The following TJP1 variants were observed in gnomAD, a reference collection of about 807,000 sequenced individuals.
TJP1 encodes tight junction protein ZO-1.
In TJP1, 43 loss-of-function variants were observed where a neutral mutation model predicts 194.2. That is an observed-to-expected ratio of 0.22 (90% CI 0.17 to 0.29). The LOEUF (loss-of-function observed/expected upper bound fraction) is 0.29. Ranked by LOEUF, TJP1 falls within the 10% of genes least tolerant of loss-of-function variation. The pLI is 1.00. For synonymous variants in TJP1, 801 were observed against 779.0 expected (o/e 1.03, Z -0.47); for missense variants, 1,971 against 2,185.7 (o/e 0.90, Z 1.96).
At chr15:29,813,804 T>C (rs1250127563) in intron 1 of TJP1, among the ~76,000 whole-genome samples, 4 of 152,220 alleles carry the variant, frequency 2.6e-5, no homozygotes, top group Non-Finnish European at 5.9e-5. Flanking sequence ...AAATGCCCTA[T>C]CAGTACAGAG....
At chr15:29,704,042 C>T (rs1191994986) in intron 27 of TJP1, 120 bp downstream of exon 27, 1 of 1,098,776 alleles carries the variant, frequency 9.1e-7, no homozygotes, top group Admixed American at 2.6e-5. Flanking sequence ...GTGATGCCTA[C>T]AAGGCCACAG....
rs188018911 is a variant in TJP1, at chr15:29,894,351, T to A, written c.306+61881A>T. Among the ~76,000 whole-genome samples, 581 of 152,232 alleles carry A rather than the reference T, an allele frequency of 3.8e-3. 5 individuals carry two copies. The highest frequency in any genetic ancestry group is 6.6e-3 in the Admixed American group (101 of 15,292). On this transcript the variant is annotated intron_variant, in intron 2 of 28. Transcript: ENST00000356107. ...GCACATTCCTGTAGTCTCAGCTACCTGGGAGACGGAGGCAGGAGAATCACT... is the reference window on the plus strand; with the variant it reads ...GCACATTCCTGTAGTCTCAGCTACCAGGGAGACGGAGGCAGGAGAATCACT...
intron 1 of TJP1, chr15:29,968,613 G>GC (rs1465519308): frequency 1.0e-6 from 1 of 963,166 alleles, no homozygotes; most frequent in African/African-American, 1.8e-5. Flanking sequence ...TCCGGCCCCC[G>GC]CCCCGCTCCG....
At chr15:29,782,340 AAGAC>A (rs749064943) in intron 2 of TJP1, among the ~76,000 whole-genome samples, 1 of 152,198 alleles carries the variant, frequency 6.6e-6, no homozygotes, top group Non-Finnish European at 1.5e-5. Context: ...TACTGTAACA[AAGAC>A]AGACACACAG....
intron 5 of TJP1, among the ~76,000 whole-genome samples, 182 bp downstream of exon 5, chr15:29,766,084 C>A (rs1007035952): frequency 2.6e-5 from 4 of 152,214 alleles, no homozygotes; most frequent in Non-Finnish European, 5.9e-5. Flanking sequence ...GAAGTGTTAT[C>A]TGTTCCAACG....
At chr15:29,760,331 AGG>A in intron 8 of TJP1, 1 of 697,680 alleles carries the variant, frequency 1.4e-6, no homozygotes, top group Non-Finnish European at 2.6e-6. Context: ...AAACTCAGGT[AGG>A]TCATATACTA....
chr15:29,845,682 G>A (rs1355593241), intron 2 of TJP1, among the ~76,000 whole-genome samples: 3 of 152,114 alleles, frequency 2.0e-5, no homozygotes, highest in Non-Finnish European at 2.9e-5. Context: ...GCAGGCGCCT[G>A]TAGCCCCAGC....
intron 27 of TJP1, 73 bp downstream of exon 27, chr15:29,704,089 C>G: frequency 6.8e-7 from 1 of 1,471,658 alleles, no homozygotes; most frequent in South Asian, 1.3e-5. Flanking sequence ...ACAGCATGGG[C>G]AGCATCATCA....
At chr15:29,717,560 A>G (rs1186654692) in intron 22 of TJP1, among the ~76,000 whole-genome samples, 1 of 152,108 alleles carries the variant, frequency 6.6e-6, no homozygotes, top group East Asian at 1.9e-4. Context: ...GTCTCTCTCT[A>G]CAATGCAGAA....
intron 8 of TJP1, chr15:29,759,659 T>TAG (rs927031271): frequency 6.6e-6 from 1 of 152,308 alleles, no homozygotes; most frequent in African/African-American, 2.4e-5. Flanking sequence ...ACCACCATTC[T>TAG]ACTGTCTGTT....
Position 29,878,199 on chromosome 15 carries a change from G to A in TJP1, c.307-77497C>T, listed in dbSNP as rs547398393. 6.6e-5 allele frequency among the ~76,000 whole-genome samples: 10 copies of A among 152,022 alleles called. No individual in the cohort carries two copies. In the East Asian group the frequency reaches 2.0e-3, roughly 30 times the overall value. On this transcript the variant is annotated intron_variant, in intron 2 of 28. Coordinates refer to the TJP1 transcript ENST00000356107. ...CAAGTAGCTGGGACTACAGGCGCCC[G>A]CTACCATGCTTGGCTATTTTTTTTG...
intron 2 of TJP1, among the ~76,000 whole-genome samples, chr15:29,856,872 A>T (rs916466939): frequency 2.0e-5 from 3 of 151,850 alleles, no homozygotes; most frequent in Non-Finnish European, 4.4e-5. Flanking sequence ...AAAAAAAAAA[A>T]TGTGGGTGCA....
chr15:29,868,239 C>T (rs543797687), intron 2 of TJP1, among the ~76,000 whole-genome samples: 188 of 152,148 alleles, frequency 1.2e-3, no homozygotes, highest in Non-Finnish European at 1.9e-3. Flanking sequence ...AAATCAGCGG[C>T]AATAGCTCCT....
chr15:29,889,603 C>G (rs1175265204), intron 2 of TJP1, among the ~76,000 whole-genome samples: 1 of 152,212 alleles, frequency 6.6e-6, no homozygotes, highest in Non-Finnish European at 1.5e-5. Context: ...ACATTACAAA[C>G]TAGCATTAAC....
In TJP1 at chr15:29,794,450, A is replaced by G. The variant is rs76749185; in HGVS notation, c.84+6196T>C. Reference sequence around the variant, plus strand: ...GTACAAAATGGAACCTACATTAATCATCTAAAACGGCATTATCATAACAGA... The same window carrying G: ...GTACAAAATGGAACCTACATTAATCGTCTAAAACGGCATTATCATAACAGA... On this transcript the variant is annotated intron_variant, in intron 2 of 27. Transcript: ENST00000614355. 7.6e-3 allele frequency among the ~76,000 whole-genome samples: 1,158 copies of G among 152,310 alleles called. 16 individuals are homozygous for G. The highest frequency in any genetic ancestry group is 0.027 in the African/African-American group (1,115 of 41,564).
At chr15:29,816,526 T>A (rs2049936145) in intron 1 of TJP1, among the ~76,000 whole-genome samples, 1 of 152,144 alleles carries the variant, frequency 6.6e-6, no homozygotes, top group Non-Finnish European at 1.5e-5. Flanking sequence ...CACACAAAAA[T>A]TATTGCTACA....
chr15:29,795,161 C>A (rs574436902), intron 2 of TJP1, among the ~76,000 whole-genome samples: 2 of 152,048 alleles, frequency 1.3e-5, no homozygotes, highest in Admixed American at 6.5e-5. Context: ...TGGTGGCTCA[C>A]GCCTGTAATC....
chr15:29,946,392 C>A (rs544333220), intron 2 of TJP1, among the ~76,000 whole-genome samples: 1 of 152,266 alleles, frequency 6.6e-6, no homozygotes, highest in African/African-American at 2.4e-5. Flanking sequence ...AACATCTCAC[C>A]ACAAAATACT....
chr15:29,876,143 T>C (rs767626456), intron 2 of TJP1, among the ~76,000 whole-genome samples: 3 of 152,200 alleles, frequency 2.0e-5, no homozygotes, highest in Non-Finnish European at 4.4e-5. Context: ...TGCTCTACAT[T>C]AAGCTTGTCT....
Sources: allele counts gnomAD v4.1 joint callset (sites outside exome capture counted in the v4.1 genomes callset), GRCh38; gene constraint gnomAD v4.1.1; transcripts MANE v1.5; gene names NCBI Gene and HGNC (gene_info 2026-07-23, HGNC 2026-07-21).